Variants in REPS2 observed in about 807,000 individuals in gnomAD.
REPS2 encodes RALBP1 associated Eps domain containing 2.
A neutral mutation model predicts 53.6 loss-of-function variants in REPS2; 23 were observed. The ratio of observed to expected loss-of-function variants is 0.43; its 90% CI spans 0.31 to 0.61. The LOEUF (loss-of-function observed/expected upper bound fraction) is 0.61, where lower values mean the gene tolerates loss of function less well. REPS2 is among the 20% of genes least tolerant of loss of function. The pLI is 0.11. For synonymous variants in REPS2, 238 were observed against 218.6 expected (o/e 1.09, Z -0.78); for missense variants, 446 against 534.9 (o/e 0.83, Z 1.64).
rs111407664 is a variant in REPS2 at position 17,022,435 on chromosome X, C to T, written c.546+164C>T. 833 of 408,798 alleles carry T rather than the reference C, an allele frequency of 2.0e-3. 12 individuals carry two copies. Among genetic ancestry groups the T allele is most frequent in the African/African-American group, 0.018 (707 of 39,697 alleles). The allele number at this position is 408,798 out of a possible 1,213,427, so 33.7% of individuals were successfully genotyped here. ...TTTTCTCCTAGCAAGAAAGAGAGAC[C>T]GACACATATGAATCACCACCACCCA... On this transcript the variant is annotated intron_variant, in intron 3 of 17. Coordinates refer to ENST00000357277, the MANE Select transcript of REPS2 (RefSeq NM_004726.3).
chrX:17,167,900 TATG>T, the REPS2 span, among the ~76,000 whole-genome samples: 1 of 110,808 alleles, frequency 9.0e-6, no homozygotes, highest in East Asian at 2.9e-4. Context: ...TTAAAAACTG[TATG>T]ATGGGTGCCA....
chrX:16,947,958 G>C (rs1170446395), intron 1 of REPS2, among the ~76,000 whole-genome samples: 4 of 112,084 alleles, frequency 3.6e-5, no homozygotes, highest in African/African-American at 1.3e-4. Flanking sequence ...TGCTTTCCTT[G>C]GAGCTTGGAG....
the REPS2 span, among the ~76,000 whole-genome samples, chrX:17,161,816 T>C: frequency 8.9e-6 from 1 of 112,021 alleles, no homozygotes; most frequent in Non-Finnish European, 1.9e-5. Flanking sequence ...CAGGTATTCC[T>C]TGGAGTTGGA....
At chrX:17,145,815 A>G (rs1038520224) in intron 17 of REPS2, among the ~76,000 whole-genome samples, 4 of 111,962 alleles carry the variant, frequency 3.6e-5, no homozygotes, top group Admixed American at 9.4e-5. Context: ...CTGATTAGAA[A>G]CACTCAATGC....
intron 1 of REPS2, among the ~76,000 whole-genome samples, chrX:16,987,644 A>T (rs745646099): frequency 8.9e-6 from 1 of 111,848 alleles, no homozygotes; most frequent in East Asian, 2.8e-4. Context: ...TGCAGGCCTT[A>T]TAGTCTCTGT....
intron 1 of REPS2, among the ~76,000 whole-genome samples, chrX:16,953,100 AACACACACACACACACACACACAC>A (rs68090119): frequency 4.1e-5 from 4 of 97,237 alleles, no homozygotes; most frequent in East Asian, 6.3e-4. Context: ...CCAAAAAACA[AACACACACACACACACACACACAC>A]ACACACACAC....
chrX:16,951,587 A>G (rs1208370168), intron 1 of REPS2, among the ~76,000 whole-genome samples: 2 of 102,420 alleles, frequency 2.0e-5, no homozygotes, highest in African/African-American at 7.2e-5. Context: ...TCTCTGGGGC[A>G]TGCCTGTAGT....
At chrX:17,048,873 GTATT>G (rs1232006017) in intron 6 of REPS2, among the ~76,000 whole-genome samples, 1 of 112,693 alleles carries the variant, frequency 8.9e-6, no homozygotes. Flanking sequence ...AGCTTATTAT[GTATT>G]TATTATGCTA....
intron 1 of REPS2, among the ~76,000 whole-genome samples, chrX:16,972,085 T>G (rs2060901962): frequency 8.9e-6 from 1 of 111,947 alleles, no homozygotes; most frequent in Non-Finnish European, 1.9e-5. Context: ...AGGCAGTAAG[T>G]TGGATGCTTC....
chrX:17,070,353 A>G (rs1174670838), intron 11 of REPS2, among the ~76,000 whole-genome samples: 1 of 112,380 alleles, frequency 8.9e-6, no homozygotes, highest in East Asian at 2.8e-4. Flanking sequence ...GGGTAGATCA[A>G]TTGGAGGCCC....
intron 8 of REPS2, among the ~76,000 whole-genome samples, chrX:17,057,296 T>C (rs111491793): frequency 0.026 from 2,891 of 112,344 alleles, 100 homozygotes; most frequent in African/African-American, 0.09. Flanking sequence ...TTATCTAAGT[T>C]TGTCTCGGGG....
At chrX:17,115,564 TGTCGAGCTGGGGGA>T (rs763345004) in intron 14 of REPS2, among the ~76,000 whole-genome samples, 349 of 111,652 alleles carry the variant, frequency 3.1e-3, no homozygotes, top group Non-Finnish European at 5.5e-3. Context: ...CCTTTACGGG[TGTCGAGCTGGGGGA>T]CGGTCAGGTC....
chrX:17,121,278 AT>A (rs747994058), intron 14 of REPS2, among the ~76,000 whole-genome samples: 1 of 112,059 alleles, frequency 8.9e-6, no homozygotes, highest in South Asian at 3.8e-4. Flanking sequence ...TGCCCATCAA[AT>A]TTTGTAAGTA....
chrX:17,102,034 TTATGTTATGTTATG>T lies in REPS2; in HGVS notation c.1517-1682_1517-1669del, dbSNP rs1569177869. ...TAGATTTATTTTATTTTATTTTATG[TTATGTTATGTTATG>T]TTATGTTATGTTATGTTATGTTATG... On this transcript the variant is annotated intron_variant, in intron 13 of 17. Coordinates refer to ENST00000357277, the MANE Select transcript of REPS2 (RefSeq NM_004726.3). Among the ~76,000 whole-genome samples, 26 of 50,632 alleles carry T rather than the reference TTATGTTATGTTATG, an allele frequency of 5.1e-4. No homozygotes were observed. The South Asian group carries it at 0.018, about 34-fold the overall frequency. The allele number at this position is 50,632 out of a possible 115,157, so 44.0% of individuals were successfully genotyped here.
At chrX:17,119,868 C>CTTTTTTTTTTT (rs35141257) in intron 14 of REPS2, among the ~76,000 whole-genome samples, 1 of 40,516 alleles carries the variant, frequency 2.5e-5, no homozygotes, top group Non-Finnish European at 3.9e-5. Flanking sequence ...CGCACTGTGA[C>CTTTTTTTTTTT]TTTTTTTTTT....
At chrX:17,135,597 C>T (rs1005570931) in intron 16 of REPS2, 191 bp downstream of exon 16, 5 of 452,186 alleles carry the variant, frequency 1.1e-5, no homozygotes, top group Non-Finnish European at 1.8e-5. Context: ...TAGGACTTAA[C>T]CTGACCTAAA....
chrX:17,174,680 G>A, the REPS2 span, among the ~76,000 whole-genome samples: 4 of 112,582 alleles, frequency 3.6e-5, no homozygotes, highest in Non-Finnish European at 7.5e-5. Context: ...GTTAGTTTGG[G>A]AAGCCATCAA....
chrX:16,980,216 C>A (rs982340745), intron 1 of REPS2, among the ~76,000 whole-genome samples: 1 of 108,806 alleles, frequency 9.2e-6, no homozygotes, highest in Non-Finnish European at 1.9e-5. Flanking sequence ...TCAAGTGATT[C>A]TCCCGCCTCA....
At chrX:17,101,970 C>A (rs764498827) in intron 13 of REPS2, among the ~76,000 whole-genome samples, 1 of 111,547 alleles carries the variant, frequency 9.0e-6, no homozygotes, top group Non-Finnish European at 1.9e-5. Context: ...TTTTAACACA[C>A]GTTAATACAA....
Sources: allele counts gnomAD v4.1 joint callset (sites outside exome capture counted in the v4.1 genomes callset), GRCh38; gene constraint gnomAD v4.1.1; transcripts MANE v1.5; gene names NCBI Gene and HGNC (gene_info 2026-07-23, HGNC 2026-07-21).